Variants in MYO16 observed in about 807,000 individuals in gnomAD.
MYO16 encodes the protein unconventional myosin-XVI.
A neutral mutation model predicts 205.3 loss-of-function variants in MYO16; 94 were observed. The ratio of observed to expected loss-of-function variants is 0.46; its 90% CI spans 0.39 to 0.54. The LOEUF (loss-of-function observed/expected upper bound fraction) is 0.54. Among genes scored for constraint, MYO16 ranks in the 20% least tolerant of loss-of-function variants. MYO16 has a pLI of 0.00. For synonymous variants in MYO16, 988 were observed against 954.0 expected (o/e 1.04, Z -0.66); for missense variants, 2,315 against 2,387.5 (o/e 0.97, Z 0.63).
At position 108,745,336 on chromosome 13, in the gene MYO16, T is replaced by C. The variant is rs1032038358; in HGVS notation, c.507+17753T>C. On this transcript the variant is annotated intron_variant, in intron 4 of 34. Coordinates refer to ENST00000457511, the MANE Select transcript of MYO16 (RefSeq NM_001198950.3). ...TTAGGGGGCCCCACATTTTCCTGGG[T>C]TTTACCTCTAGGTAAAACGATAGAG... Among the ~76,000 whole-genome samples the C allele has an allele frequency of 7.2e-5, 11 of 151,798 alleles. 1 individual carries two copies. The highest frequency in any genetic ancestry group is 5.9e-4 in the Admixed American group (9 of 15,202).
At chr13:108,941,998 T>C (rs1016780844) in intron 16 of MYO16, among the ~76,000 whole-genome samples, 1 of 152,244 alleles carries the variant, frequency 6.6e-6, no homozygotes, top group African/African-American at 2.4e-5. Context: ...AATTTAATTA[T>C]GCATACATAC....
intron 6 of MYO16, among the ~76,000 whole-genome samples, chr13:108,804,849 C>G (rs1014958517): frequency 6.6e-6 from 1 of 152,152 alleles, no homozygotes; most frequent in African/African-American, 2.4e-5. Context: ...AGTCTTCCTT[C>G]CCAGCTGTGC....
intron 22 of MYO16, among the ~76,000 whole-genome samples, chr13:109,016,079 T>C (rs1594471416): frequency 6.6e-6 from 1 of 152,234 alleles, no homozygotes; most frequent in African/African-American, 2.4e-5. Context: ...TGATCTTTCC[T>C]GCTTTCTCTT....
chr13:108,602,323 C>G (rs949854846), intron 1 of MYO16, among the ~76,000 whole-genome samples: 2 of 152,046 alleles, frequency 1.3e-5, no homozygotes, highest in Admixed American at 6.6e-5. Context: ...AGATGTAGAC[C>G]TCTTGCACCT....
chr13:108,736,674 C>G lies in MYO16; in HGVS notation c.507+9091C>G, dbSNP rs573900308. On this transcript the variant is annotated intron_variant, in intron 4 of 34. Coordinates refer to ENST00000457511, the MANE Select transcript of MYO16 (RefSeq NM_001198950.3). The stretch of plus-strand genomic sequence containing the variant: ...CTTTAAAGTAGTTTTTCCCAATTCT[C>G]TGAAGAGAGTCATTGGTAGCTTGAT... 3.1e-3 allele frequency among the ~76,000 whole-genome samples: 476 copies of G among 152,188 alleles called. 1 individual carries two copies. The highest frequency in any genetic ancestry group is 0.011 in the African/African-American group (464 of 41,528).
In MYO16 at chr13:108,624,155, C is replaced by A. The variant is rs372568883; in HGVS notation, c.-39+27916C>A. On this transcript the variant is annotated intron_variant, in intron 1 of 24. Coordinates refer to the MYO16 transcript ENST00000251041. ...TAATTGCCTCACAATTCCTTTCATC[C>A]TTTTTGGGAAAATTAAGAATATCTT... Among the ~76,000 whole-genome samples the A allele has an allele frequency of 6.6e-5, 10 of 152,234 alleles. No homozygotes were observed. In the East Asian group the frequency reaches 1.7e-3, roughly 26 times the overall value.
the MYO16 span, among the ~76,000 whole-genome samples, chr13:108,540,730 G>A: frequency 0.022 from 3,385 of 152,046 alleles, 112 homozygotes; most frequent in South Asian, 0.081. Context: ...CATAACATGA[G>A]TGCTGCAAAG....
At chr13:108,950,729 A>G (rs1482440603) in intron 16 of MYO16, among the ~76,000 whole-genome samples, 5 of 152,236 alleles carry the variant, frequency 3.3e-5, no homozygotes, top group African/African-American at 4.8e-5. Context: ...GTATGTTTAC[A>G]TAAACACCTC....
chr13:108,722,312 TG>T (rs1427208595), intron 3 of MYO16, among the ~76,000 whole-genome samples: 1 of 152,184 alleles, frequency 6.6e-6, no homozygotes, highest in African/African-American at 2.4e-5. Flanking sequence ...GAATATTTCC[TG>T]GCTTGAAGAA....
chr13:108,957,681 C>CTAACAGGTATT lies in MYO16; in HGVS notation c.1926-5_1931dup. The CTAACAGGTATT allele has an allele frequency of 6.3e-7, 1 of 1,597,128 alleles. No individual in the cohort carries two copies. Among genetic ancestry groups the CTAACAGGTATT allele is most frequent in the Non-Finnish European group, 8.6e-7 (1 of 1,165,412 alleles). On this transcript the variant is annotated splice_polypyrimidine_tract_variant and splice_region_variant and intron_variant, in intron 16 of 34. Transcript: ENST00000457511. ...GCGATAACGTTACGTGCCTTGTCTC[C>CTAACAGGTATT]TAACAGGTATTTGAACCAGACCATA... is the stretch of plus-strand genomic sequence containing the variant.
At chr13:108,678,502 T>C (rs1445008328) in intron 2 of MYO16, among the ~76,000 whole-genome samples, 2 of 152,168 alleles carry the variant, frequency 1.3e-5, no homozygotes, top group Non-Finnish European at 2.9e-5. Context: ...CTCTCTTCCA[T>C]TGTCTCTTGA....
At chr13:109,007,539 CGTGTGTGT>C (rs71125360) in intron 21 of MYO16, among the ~76,000 whole-genome samples, 31,189 of 133,384 alleles carry the variant, frequency 0.23, 4,048 homozygotes, top group Middle Eastern at 0.33. Context: ...AGAAATCAGC[CGTGTGTGT>C]GTGTGTGTGT....
chr13:108,727,173 A>G (rs1456606684), intron 3 of MYO16, among the ~76,000 whole-genome samples: 1 of 152,076 alleles, frequency 6.6e-6, no homozygotes, highest in Non-Finnish European at 1.5e-5. Context: ...AATAAAAACC[A>G]GTAAGTGAAG....
At chr13:108,871,354 G>GTA (rs1879050122) in intron 12 of MYO16, among the ~76,000 whole-genome samples, 1 of 149,672 alleles carries the variant, frequency 6.7e-6, no homozygotes, top group African/African-American at 2.5e-5. Context: ...GTGTGTGTGT[G>GTA]TGTGTGTGTC....
the MYO16 span, among the ~76,000 whole-genome samples, chr13:108,555,852 G>A: frequency 2.0e-5 from 3 of 152,132 alleles, no homozygotes; most frequent in African/African-American, 7.2e-5. Context: ...TGTGGTATTT[G>A]TCATTTTGTT....
chr13:109,048,184 T>C (rs1887112138), intron 24 of MYO16, among the ~76,000 whole-genome samples: 1 of 151,048 alleles, frequency 6.6e-6, no homozygotes, highest in Non-Finnish European at 1.5e-5. Flanking sequence ...TGTGTGTGTG[T>C]GTGTGTGTGT....
At chr13:108,816,021 A>G (rs1166261805) in intron 7 of MYO16, among the ~76,000 whole-genome samples, 1 of 152,194 alleles carries the variant, frequency 6.6e-6, no homozygotes, top group Non-Finnish European at 1.5e-5. Flanking sequence ...TTGATTTCCT[A>G]TGAAAGTCTC....
intron 10 of MYO16, among the ~76,000 whole-genome samples, chr13:108,848,591 A>G (rs1877644808): frequency 6.6e-6 from 1 of 152,184 alleles, no homozygotes; most frequent in Non-Finnish European, 1.5e-5. Flanking sequence ...GCTTGAGGCC[A>G]GCAGTTCAAG....
At chr13:109,010,212 A>G (rs950975559) in intron 22 of MYO16, among the ~76,000 whole-genome samples, 11 of 152,160 alleles carry the variant, frequency 7.2e-5, no homozygotes, top group Non-Finnish European at 1.3e-4. Context: ...GAGCCATGCA[A>G]TCTCTTCTAA....
Sources: gnomAD v4.1 joint callset for allele counts (sites outside exome capture counted in the v4.1 genomes callset) on GRCh38, gnomAD v4.1.1 for gene constraint, MANE v1.5 for transcripts, NCBI Gene and HGNC (gene_info 2026-07-23, HGNC 2026-07-21) for gene names.